Variants in NELL1 observed in about 807,000 individuals in gnomAD.
NELL1 encodes the protein neural EGFL like 1, also known as protein kinase C-binding protein NELL1.
In NELL1, 76 loss-of-function variants were observed where a neutral mutation model predicts 107.4. The ratio of observed to expected loss-of-function variants is 0.71; its 90% CI spans 0.59 to 0.86. The LOEUF is 0.86. Ranked by LOEUF, NELL1 falls within the 40% of genes least tolerant of loss-of-function variation. The pLI, the probability that NELL1 is intolerant of heterozygous loss-of-function variation, is 0.00. For missense variants in NELL1, 1,024 were observed against 1,005.5 expected, an observed-to-expected ratio of 1.02 and a Z score of -0.25; for synonymous variants, 353 against 341.2, an observed-to-expected ratio of 1.03 and a Z score of -0.38.
intron 5 of NELL1, among the ~76,000 whole-genome samples, chr11:20,906,735 A>G (rs1275603328): frequency 6.6e-6 from 1 of 152,092 alleles, no homozygotes; most frequent in Non-Finnish European, 1.5e-5. Flanking sequence ...ATAAAGGAAA[A>G]AAAGCCCTAC....
intron 12 of NELL1, among the ~76,000 whole-genome samples, chr11:21,058,842 G>C (rs1235495192): frequency 2.6e-5 from 4 of 152,118 alleles, no homozygotes; most frequent in Non-Finnish European, 5.9e-5. Flanking sequence ...TAGCTTAGCT[G>C]TGGGACTTCC....
At chr11:20,756,560 A>C (rs1856294837) in intron 2 of NELL1, among the ~76,000 whole-genome samples, 1 of 123,700 alleles carries the variant, frequency 8.1e-6, no homozygotes, top group Non-Finnish European at 1.6e-5. Flanking sequence ...ACAGGGTTTC[A>C]CCATGCTAGC....
At chr11:21,353,330 C>T (rs1850859295) in intron 14 of NELL1, among the ~76,000 whole-genome samples, 1 of 152,134 alleles carries the variant, frequency 6.6e-6, no homozygotes, top group African/African-American at 2.4e-5. Flanking sequence ...GTCATTTAAA[C>T]TTCATCCCAA....
chr11:21,336,932 G>A (rs1850415613), intron 14 of NELL1, among the ~76,000 whole-genome samples: 1 of 151,878 alleles, frequency 6.6e-6, no homozygotes, highest in African/African-American at 2.4e-5. Flanking sequence ...AGATACCTGG[G>A]TTGAATTTGA....
chr11:20,924,125 G>T (rs1488421791), intron 7 of NELL1, among the ~76,000 whole-genome samples: 1 of 152,174 alleles, frequency 6.6e-6, no homozygotes, highest in Non-Finnish European at 1.5e-5. Context: ...AAAGTGTCAG[G>T]TAGTATAGAA....
intron 5 of NELL1, among the ~76,000 whole-genome samples, chr11:20,888,348 A>G (rs1052000412): frequency 6.6e-6 from 1 of 151,804 alleles, no homozygotes; most frequent in African/African-American, 2.4e-5. Flanking sequence ...TATCTATATA[A>G]AATGGCTGTT....
chr11:21,461,621 C>G (rs1384636379), intron 15 of NELL1, among the ~76,000 whole-genome samples: 1 of 152,044 alleles, frequency 6.6e-6, no homozygotes. Flanking sequence ...ACTATAAAAT[C>G]TCCCTTAATT....
At chr11:21,029,909 G>A (rs770326379) in intron 12 of NELL1, among the ~76,000 whole-genome samples, 134 of 152,222 alleles carry the variant, frequency 8.8e-4, no homozygotes, top group Non-Finnish European at 1.4e-3. Context: ...TTGATGGCAG[G>A]CGCATTATAC....
intron 2 of NELL1, among the ~76,000 whole-genome samples, chr11:20,712,907 A>G (rs947028119): frequency 1.3e-5 from 2 of 152,154 alleles, no homozygotes; most frequent in African/African-American, 2.4e-5. Flanking sequence ...ACTCTATGGG[A>G]GTCCTTGGTT....
At chr11:20,971,701 G>GT (rs1851505090) in intron 12 of NELL1, among the ~76,000 whole-genome samples, 2 of 152,278 alleles carry the variant, frequency 1.3e-5, no homozygotes, top group Admixed American at 1.3e-4. Flanking sequence ...CTTTATCATT[G>GT]TTTTGTGAAC....
At position 21,370,872 on chromosome 11, in the gene NELL1, C is replaced by T; in HGVS notation, c.1569C>T (p.Cys523=). The change falls in exon 15 of 20, where the codon TGC becomes TGT. Residue 523 remains cysteine, a synonymous_variant. Coordinates refer to ENST00000357134, the MANE Select transcript of NELL1 (RefSeq NM_006157.5). ...TICRAFCEEG[C]RYGGTCVAPN... The stretch of plus-strand genomic sequence containing the variant: ...CAACAGCTTTCTGTGAAGAGGGCTG[C>T]AGATACGGTGGAACGTGTGTGGCTC... 1 of 1,611,656 alleles carries T rather than the reference C, an allele frequency of 6.2e-7. No homozygotes were observed. The highest frequency in any genetic ancestry group is 8.5e-7 in the Non-Finnish European group (1 of 1,178,724).
At chr11:20,755,563 T>TATTTATTTA (rs1590264055) in intron 2 of NELL1, among the ~76,000 whole-genome samples, 14 of 19,112 alleles carry the variant, frequency 7.3e-4, no homozygotes, top group Non-Finnish European at 1.1e-3. Context: ...TTTGTTTTTG[T>TATTTATTTA]TTTTTTTTTT....
chr11:21,306,430 C>G (rs567157009), intron 14 of NELL1, among the ~76,000 whole-genome samples: 7 of 151,964 alleles, frequency 4.6e-5, no homozygotes, highest in Non-Finnish European at 1.0e-4. Flanking sequence ...TGCACAAGCA[C>G]CTCTTTTCTG....
intron 15 of NELL1, among the ~76,000 whole-genome samples, chr11:21,465,770 T>G (rs1252615831): frequency 6.6e-6 from 1 of 152,110 alleles, no homozygotes; most frequent in African/African-American, 2.4e-5. Context: ...TTGTTATCAC[T>G]GCTATTGTTC....
intron 15 of NELL1, among the ~76,000 whole-genome samples, chr11:21,504,553 T>A (rs1855233432): frequency 1.3e-5 from 2 of 152,210 alleles, no homozygotes; most frequent in Non-Finnish European, 2.9e-5. Flanking sequence ...TTTGTCTTAA[T>A]TAACTTGATG....
chr11:21,218,867 C>G (rs906354835), intron 13 of NELL1, among the ~76,000 whole-genome samples: 2 of 152,120 alleles, frequency 1.3e-5, no homozygotes, highest in Non-Finnish European at 2.9e-5. Context: ...ATACATGACA[C>G]ATTTTGAATC....
intron 2 of NELL1, among the ~76,000 whole-genome samples, chr11:20,679,234 C>T (rs180674608): frequency 6.6e-6 from 1 of 152,314 alleles, no homozygotes; most frequent in African/African-American, 2.4e-5. Flanking sequence ...GGCCACTTAA[C>T]AGCTTTGTGC....
At chr11:20,712,485 G>C (rs967447818) in intron 2 of NELL1, among the ~76,000 whole-genome samples, 6 of 152,162 alleles carry the variant, frequency 3.9e-5, no homozygotes, top group Admixed American at 3.9e-4. Flanking sequence ...TGACAATTCA[G>C]ATTTCTTCTT....
chr11:20,773,971 C>A (rs970963229), intron 2 of NELL1, among the ~76,000 whole-genome samples: 2 of 151,626 alleles, frequency 1.3e-5, no homozygotes, highest in Admixed American at 1.3e-4. Flanking sequence ...CTTTTTTTCC[C>A]CTCTCTCTTT....
Sources: gnomAD v4.1 joint callset for allele counts (sites outside exome capture counted in the v4.1 genomes callset) on GRCh38, gnomAD v4.1.1 for gene constraint, MANE v1.5 for transcripts, NCBI Gene and HGNC (gene_info 2026-07-23, HGNC 2026-07-21) for gene names.